Variants in DAAM2 observed in about 807,000 individuals in gnomAD.
DAAM2 encodes the protein disheveled-associated activator of morphogenesis 2.
DAAM2 carries 39 observed loss-of-function variants against 120.7 expected under a neutral mutation model. That is an observed-to-expected ratio of 0.32 (90% CI 0.25 to 0.42). The LOEUF is 0.42. DAAM2 is among the 10% of genes least tolerant of loss of function. DAAM2 has a pLI of 1.00. For synonymous variants in DAAM2, 488 were observed against 524.9 expected (o/e 0.93, Z 0.96); for missense variants, 1,283 against 1,401.7 (o/e 0.92, Z 1.35).
Position 39,864,482 on chromosome 6 carries a change from T to C in DAAM2, c.308T>C (p.Ile103Thr). 6.2e-7 allele frequency: 1 copy of C among 1,612,530 alleles called. No homozygotes were observed. The highest frequency in any genetic ancestry group is 8.5e-7 in the Non-Finnish European group (1 of 1,179,718). Residue 103 changes from isoleucine (I) to threonine (T), a missense_variant, in exon 4 of 25, where the codon ATC (isoleucine) becomes ACC (threonine). Ile to Thr is a moderately conservative substitution (Grantham distance 89). Transcript: ENST00000274867. Reference sequence around the variant, plus strand: ...GCAACCAGCTGGCCTGACTATTACATCGACCGCATCAATTCCATGGCTGCG... The same window carrying C: ...GCAACCAGCTGGCCTGACTATTACACCGACCGCATCAATTCCATGGCTGCG... ...KLATSWPDYYIDRINSMAAMQ... is the reference protein window; with the variant it reads ...KLATSWPDYYTDRINSMAAMQ...
intron 1 of DAAM2, among the ~76,000 whole-genome samples, chr6:39,840,229 A>C (rs1349877064): frequency 2.0e-5 from 3 of 152,012 alleles, no homozygotes; most frequent in Non-Finnish European, 4.4e-5. Flanking sequence ...AATGTCTCAA[A>C]AAACAAACAA....
At chr6:39,801,205 T>A (rs2114004759) in intron 1 of DAAM2, among the ~76,000 whole-genome samples, 1 of 152,358 alleles carries the variant, frequency 6.6e-6, no homozygotes. Context: ...TTGGTAGCTA[T>A]GTCAGGATAT....
intron 3 of DAAM2, chr6:39,861,983 C>T (rs1334865566): frequency 1.3e-5 from 2 of 152,268 alleles, no homozygotes; most frequent in African/African-American, 2.4e-5. Flanking sequence ...TATCCCATTC[C>T]GAGGTCTCCA....
intron 5 of DAAM2, among the ~76,000 whole-genome samples, chr6:39,865,476 A>C (rs551256038): frequency 6.6e-6 from 1 of 152,214 alleles, no homozygotes; most frequent in African/African-American, 2.4e-5. Flanking sequence ...CGGGTAGAGA[A>C]GTACTCCAAC....
At position 39,901,700 on chromosome 6, in the gene DAAM2, G is replaced by A. The variant is rs1766495283; in HGVS notation, c.2983-113G>A. On this transcript the variant is annotated intron_variant, in intron 24 of 24. Transcript: ENST00000274867. This position sits in a 1 kb window ranked among gnomAD's most constrained non-coding sequence, Gnocchi z 4.5. ...AGGCAGGAAGAAAGTGGGGCCAACA[G>A]ATACAGGCAGGCAGCATGACCATGG... 1 of 1,096,296 alleles carries A rather than the reference G, an allele frequency of 9.1e-7. No homozygotes were observed. The highest frequency in any genetic ancestry group is 1.6e-5 in the African/African-American group (1 of 63,330). 67.9% of individuals were successfully genotyped at this position (1,096,296 alleles called of 1,614,324 possible).
intron 1 of DAAM2, among the ~76,000 whole-genome samples, chr6:39,799,569 T>G (rs530604289): frequency 5.3e-5 from 8 of 152,274 alleles, no homozygotes; most frequent in African/African-American, 1.4e-4. Context: ...CTCTTCACCT[T>G]GAGTTAAATA....
Position 39,891,270 on chromosome 6 carries a change from G to C in DAAM2, c.2146-71G>C, listed in dbSNP as rs1023937359. The C allele has an allele frequency of 3.2e-6, 4 of 1,246,870 alleles. No individual in the cohort carries two copies. In the African/African-American group the frequency reaches 6.0e-5, roughly 19 times the overall value. The allele number at this position is 1,246,870 out of a possible 1,614,324, so 77.2% of individuals were successfully genotyped here. A position where few individuals can be genotyped will look rare whatever the true frequency, so the allele number is the denominator to read the frequency against. ...CCCCATCTTGACCCAAGTCAGTACA[G>C]CTTCTCACACCCTGTACCCCATGTC... is the stretch of plus-strand genomic sequence containing the variant. On this transcript the variant is annotated intron_variant, in intron 17 of 24. Coordinates refer to ENST00000274867, the MANE Select transcript of DAAM2 (RefSeq NM_001201427.2).
chr6:39,893,634 C>G (rs971769067), intron 19 of DAAM2, among the ~76,000 whole-genome samples: 2 of 152,184 alleles, frequency 1.3e-5, no homozygotes, highest in South Asian at 4.1e-4. Context: ...GGGAAAGCTA[C>G]TCTTCTATAG....
At position 39,878,384 on chromosome 6, in the gene DAAM2, C is replaced by A; in HGVS notation, c.1361-20C>A. 2 of 1,609,776 alleles carry A rather than the reference C, an allele frequency of 1.2e-6. No individual in the cohort carries two copies. Among genetic ancestry groups the A allele is most frequent in the Non-Finnish European group, 1.7e-6 (2 of 1,177,570 alleles). ...ACATTCTCTCCTTCTGTTTCCTCTC[C>A]CGTCCCACCCCCATTCCAGAACACA... is the stretch of plus-strand genomic sequence containing the variant. On this transcript the variant is annotated intron_variant, in intron 12 of 24. Transcript: ENST00000274867. This position sits in a 1 kb window ranked among gnomAD's most constrained non-coding sequence, Gnocchi z 5.0.
rs989872355 is a variant in DAAM2, at chr6:39,901,109, G to A, written c.2812-193G>A. On this transcript the variant is annotated intron_variant, in intron 23 of 24. Transcript: ENST00000274867. The surrounding 1 kb of genome is among the most constrained non-coding windows in gnomAD (Gnocchi z 4.5). ...ACTGAGTGAGCCCAACTCTTTACCT[G>A]CCTCTCCTTAGCCTTGTCTCTGATC... 6.6e-6 allele frequency among the ~76,000 whole-genome samples: 1 copy of A among 152,070 alleles called. No individual in the cohort carries two copies. The highest frequency in any genetic ancestry group is 2.4e-5 in the African/African-American group (1 of 41,420).
Position 39,884,075 on chromosome 6 carries a change from A to G in DAAM2, c.1953+6A>G. 1 of 1,495,246 alleles carries G rather than the reference A, an allele frequency of 6.7e-7. No individual in the cohort carries two copies. Among genetic ancestry groups the G allele is most frequent in the South Asian group, 1.2e-5 (1 of 86,266 alleles). 92.6% of individuals were successfully genotyped at this position (1,495,246 alleles called of 1,614,324 possible). A position where few individuals can be genotyped will look rare whatever the true frequency, so the allele number is the denominator to read the frequency against. On this transcript the variant is annotated splice_donor_region_variant and intron_variant, in intron 15 of 24. Coordinates refer to ENST00000274867, the MANE Select transcript of DAAM2 (RefSeq NM_001201427.2). ...CAGCCTACCAGAGGCACCAGGTAAG[A>G]CCCTATACCCTCTGGCCTCTTGGAC...
intron 1 of DAAM2, among the ~76,000 whole-genome samples, chr6:39,845,068 A>G (rs1355978722): frequency 6.8e-6 from 1 of 146,786 alleles, no homozygotes; most frequent in Non-Finnish European, 1.5e-5. Flanking sequence ...CTACACCCTT[A>G]CCACACATAC....
At chr6:39,830,094 G>C (rs563313340) in intron 1 of DAAM2, among the ~76,000 whole-genome samples, 3 of 152,118 alleles carry the variant, frequency 2.0e-5, no homozygotes, top group African/African-American at 7.2e-5. Context: ...TTTACAATCA[G>C]GTCTGTGTTT....
intron 19 of DAAM2, 176 bp downstream of exon 19, chr6:39,891,898 G>A (rs2149359306): frequency 1.6e-6 from 1 of 608,916 alleles, no homozygotes; most frequent in South Asian, 2.1e-5. Flanking sequence ...ATATGCACTT[G>A]CTTATATTAG....
intron 2 of DAAM2, among the ~76,000 whole-genome samples, chr6:39,859,738 ATTTC>A (rs2149290012): frequency 6.6e-6 from 1 of 152,344 alleles, no homozygotes; most frequent in South Asian, 2.1e-4. Flanking sequence ...GACTTCACCT[ATTTC>A]TTTTAAATTT....
At chr6:39,797,394 T>G (rs764163566) in intron 1 of DAAM2, among the ~76,000 whole-genome samples, 3 of 151,364 alleles carry the variant, frequency 2.0e-5, no homozygotes, top group Admixed American at 6.6e-5. Context: ...TTGACAATCA[T>G]ATGAGATTGA....
At chr6:39,843,418 T>C (rs1763430949) in intron 1 of DAAM2, among the ~76,000 whole-genome samples, 1 of 152,172 alleles carries the variant, frequency 6.6e-6, no homozygotes, top group South Asian at 2.1e-4. Context: ...TTAAAGTAAC[T>C]TGTCTCTGTT....
chr6:39,827,596 G>A (rs1762721514), intron 1 of DAAM2, among the ~76,000 whole-genome samples: 1 of 152,160 alleles, frequency 6.6e-6, no homozygotes, highest in African/African-American at 2.4e-5. Flanking sequence ...CTGGTAGGAT[G>A]CAGGGGCCTG....
At chr6:39,860,628 C>T (rs1042377666) in intron 2 of DAAM2, among the ~76,000 whole-genome samples, 8 of 152,072 alleles carry the variant, frequency 5.3e-5, no homozygotes, top group African/African-American at 1.2e-4. Flanking sequence ...GCAATGCAGG[C>T]GATGGGCAGG....
Sources: gnomAD v4.1 joint callset for allele counts (sites outside exome capture counted in the v4.1 genomes callset) on GRCh38, gnomAD v4.1.1 for gene constraint, Gnocchi (gnomAD v3.1) non-coding constraint, MANE v1.5 for transcripts, NCBI Gene and HGNC (gene_info 2026-07-23, HGNC 2026-07-21) for gene names.